STYK1: variants seen among roughly 807,000 people sequenced by gnomAD.
The protein encoded by STYK1 is tyrosine-protein kinase STYK1.
In STYK1, 46 loss-of-function variants were observed where a neutral mutation model predicts 48.1. The observed-to-expected ratio is 0.96, with a 90% CI of 0.75 to 1.22. The LOEUF (loss-of-function observed/expected upper bound fraction) is 1.22, where lower values mean the gene tolerates loss of function less well. STYK1 is among the 50% of genes most tolerant of loss of function. The pLI is 0.00. For missense variants in STYK1, 527 were observed against 521.1 expected, an observed-to-expected ratio of 1.01 and a Z score of -0.11; for synonymous variants, 188 against 189.0, an observed-to-expected ratio of 0.99 and a Z score of 0.04.
At chr12:10,671,143 C>T (rs1045974741) in intron 1 of STYK1, among the ~76,000 whole-genome samples, 5 of 151,750 alleles carry the variant, frequency 3.3e-5, no homozygotes, top group African/African-American at 9.7e-5. Flanking sequence ...TACAGGCGCC[C>T]GCCACCACGC....
intron 4 of STYK1, among the ~76,000 whole-genome samples, chr12:10,631,833 G>T (rs2120647171): frequency 6.6e-6 from 1 of 152,238 alleles, no homozygotes; most frequent in Non-Finnish European, 1.5e-5. Flanking sequence ...AAAGTCTTCT[G>T]GTACTCTCTC....
At chr12:10,634,909 A>C (rs1436396930) in intron 2 of STYK1, among the ~76,000 whole-genome samples, 1 of 152,026 alleles carries the variant, frequency 6.6e-6, no homozygotes, top group African/African-American at 2.4e-5. Context: ...TACAGCAAAG[A>C]GCTCTGATCT....
At chr12:10,644,488 C>T (rs558227679) in intron 1 of STYK1, among the ~76,000 whole-genome samples, 2 of 152,160 alleles carry the variant, frequency 1.3e-5, no homozygotes, top group African/African-American at 4.8e-5. Flanking sequence ...ATTTTTGCAA[C>T]TACTTGTGAA....
intron 1 of STYK1, among the ~76,000 whole-genome samples, chr12:10,657,858 A>C (rs532336256): frequency 5.1e-4 from 77 of 152,258 alleles, no homozygotes; most frequent in Non-Finnish European, 9.1e-4. Flanking sequence ...AATTGAGACT[A>C]CTGGAAAAAC....
chr12:10,657,651 G>C (rs1947733204), intron 1 of STYK1, among the ~76,000 whole-genome samples: 3 of 152,124 alleles, frequency 2.0e-5, no homozygotes, highest in African/African-American at 7.2e-5. Context: ...ACCTGCTTTA[G>C]AGCCATTAGA....
chr12:10,652,696 A>G (rs540626845), intron 1 of STYK1, among the ~76,000 whole-genome samples: 75 of 151,696 alleles, frequency 4.9e-4, no homozygotes, highest in Middle Eastern at 3.4e-3. Context: ...CACACTTTTT[A>G]TCTTGTCTTA....
chr12:10,643,099 C>A (rs1947562779), intron 1 of STYK1, among the ~76,000 whole-genome samples: 1 of 152,120 alleles, frequency 6.6e-6, no homozygotes. Context: ...ATCCACTTCC[C>A]CAAATCTGCC....
At chr12:10,626,794 C>T (rs1267144257) in intron 7 of STYK1, among the ~76,000 whole-genome samples, 1 of 152,050 alleles carries the variant, frequency 6.6e-6, no homozygotes, top group Non-Finnish European at 1.5e-5. Context: ...ATCACGAGGT[C>T]GGGAGATCGA....
At chr12:10,641,203 C>T (rs1020620548) in intron 1 of STYK1, among the ~76,000 whole-genome samples, 3 of 152,160 alleles carry the variant, frequency 2.0e-5, no homozygotes, top group African/African-American at 7.2e-5. Flanking sequence ...GCCACCCCCA[C>T]TCAGCACAGG....
intron 1 of STYK1, among the ~76,000 whole-genome samples, chr12:10,666,774 C>T (rs1947838059): frequency 6.6e-6 from 1 of 152,174 alleles, no homozygotes; most frequent in Non-Finnish European, 1.5e-5. Context: ...TCTCTCACCT[C>T]CACCATGTAA....
intron 5 of STYK1, 27 bp from the exon 6 acceptor site, chr12:10,629,701 T>A: frequency 6.2e-7 from 1 of 1,613,840 alleles, no homozygotes; most frequent in Non-Finnish European, 8.5e-7. Flanking sequence ...ATCCAGGCAG[T>A]GAGCAGTCAG....
chr12:10,668,291 C>A (rs1947855613), intron 1 of STYK1, among the ~76,000 whole-genome samples: 1 of 152,014 alleles, frequency 6.6e-6, no homozygotes, highest in Non-Finnish European at 1.5e-5. Flanking sequence ...TTCAGGTCCC[C>A]CGGACTGAGA....
chr12:10,673,029 G>A (rs1947906084), intron 1 of STYK1, among the ~76,000 whole-genome samples: 2 of 152,066 alleles, frequency 1.3e-5, no homozygotes, highest in African/African-American at 4.8e-5. Flanking sequence ...GAGTGGGAAG[G>A]AAGTGTGGTC....
chr12:10,645,949 G>A (rs563272489), intron 1 of STYK1, among the ~76,000 whole-genome samples: 4 of 152,166 alleles, frequency 2.6e-5, no homozygotes, highest in Non-Finnish European at 5.9e-5. Context: ...CACCATCCAC[G>A]TAAGATGTGA....
Position 10,644,680 on chromosome 12 carries a change from T to C in STYK1, c.-194-7484A>G, listed in dbSNP as rs541229952. ...AAGAAAAATAATGGATTGGAAACCT[T>C]GAGGAGATTGAACCAACAGGACACA... On this transcript the variant is annotated intron_variant, in intron 1 of 10. Transcript: ENST00000075503. Among the ~76,000 whole-genome samples the C allele has an allele frequency of 3.1e-4, 47 of 152,178 alleles. No individual in the cohort carries two copies. In the South Asian group the frequency reaches 6.6e-3, roughly 21 times the overall value.
chr12:10,659,490 G>T (rs1027866202), intron 1 of STYK1, among the ~76,000 whole-genome samples: 5 of 152,144 alleles, frequency 3.3e-5, no homozygotes, highest in Admixed American at 6.5e-5. Flanking sequence ...GTCAATAAAA[G>T]CTCCTTAGGA....
At chr12:10,654,433 C>A (rs985071518) in intron 1 of STYK1, among the ~76,000 whole-genome samples, 23 of 152,142 alleles carry the variant, frequency 1.5e-4, no homozygotes, top group Admixed American at 6.5e-5. Flanking sequence ...CTCTTGGGGT[C>A]TGGATTGGGA....
chr12:10,660,470 A>AAGCAACCCAAAACCCACCTAAACC (rs1947765167), intron 1 of STYK1, among the ~76,000 whole-genome samples: 46 of 105,656 alleles, frequency 4.4e-4, no homozygotes, highest in Middle Eastern at 4.8e-3. Context: ...GGGAGGAGGG[A>AAGCAACCCAAAACCCACCTAAACC]AATATGTTAG....
intron 2 of STYK1, among the ~76,000 whole-genome samples, chr12:10,636,075 G>T (rs1191326470): frequency 1.3e-5 from 2 of 152,134 alleles, no homozygotes; most frequent in Non-Finnish European, 2.9e-5. Context: ...TGTTGTACAG[G>T]TGTTACATTA....
Sources: allele counts gnomAD v4.1 joint callset (sites outside exome capture counted in the v4.1 genomes callset), GRCh38; gene constraint gnomAD v4.1.1; transcripts MANE v1.5; gene names NCBI Gene and HGNC (gene_info 2026-07-23, HGNC 2026-07-21).